The following LIPH variants were observed in gnomAD, a reference collection of about 807,000 sequenced individuals.
LIPH encodes lipase H.
Under a neutral mutation model 47.6 loss-of-function variants are expected in LIPH, and 32 were observed. The ratio of observed to expected loss-of-function variants is 0.67; its 90% CI spans 0.51 to 0.90. The LOEUF is 0.90. Ranked by LOEUF, LIPH falls within the 40% of genes least tolerant of loss-of-function variation. The probability of loss-of-function intolerance (pLI) is 0.00; values close to 1 mark genes in which losing one functional copy is unlikely to be tolerated. For synonymous variants in LIPH, 190 were observed against 195.6 expected, an observed-to-expected ratio of 0.97 and a Z score of 0.24; for missense variants, 497 against 541.4, an observed-to-expected ratio of 0.92 and a Z score of 0.81.
At chr3:185,520,575 C>A (rs1019218062) in intron 5 of LIPH, among the ~76,000 whole-genome samples, 1 of 151,922 alleles carries the variant, frequency 6.6e-6, no homozygotes, top group African/African-American at 2.4e-5. Context: ...CTTCATTCTG[C>A]CTTTTCATAT....
At position 185,519,131 on chromosome 3, in the gene LIPH, G is replaced by A. The variant is rs897380521; in HGVS notation, c.886+11C>T. On this transcript the variant is annotated intron_variant, in intron 6 of 9. Coordinates refer to ENST00000296252, the MANE Select transcript of LIPH (RefSeq NM_139248.3). ...TTGTGAATCAGAGAGGAAACTGCTGGTTAGACTTACCCAGAAGGGGACAGG... is the reference window on the plus strand; with the variant it reads ...TTGTGAATCAGAGAGGAAACTGCTGATTAGACTTACCCAGAAGGGGACAGG... 2 of 1,612,272 alleles carry A rather than the reference G, an allele frequency of 1.2e-6. No individual in the cohort carries two copies. The highest frequency in any genetic ancestry group is 1.7e-6 in the Non-Finnish European group (2 of 1,178,430).
chr3:185,528,346 G>GAAAGAAAGAAAGAAAGAA, intron 3 of LIPH, among the ~76,000 whole-genome samples: 1 of 151,180 alleles, frequency 6.6e-6, no homozygotes, highest in African/African-American at 2.4e-5. Context: ...AAGAAAGAAA[G>GAAAGAAAGAAAGAAAGAA]AAAGAAAGAA....
intron 5 of LIPH, among the ~76,000 whole-genome samples, chr3:185,522,654 G>GAAAGA (rs1560160886): frequency 3.9e-4 from 12 of 30,670 alleles, no homozygotes; most frequent in African/African-American, 1.7e-3. Context: ...GAAAGAAAAA[G>GAAAGA]AAAGAAAGAA....
intron 3 of LIPH, among the ~76,000 whole-genome samples, chr3:185,533,068 T>A (rs1315723433): frequency 1.3e-5 from 2 of 151,660 alleles, no homozygotes; most frequent in Non-Finnish European, 2.9e-5. Context: ...AGCAAAGGAG[T>A]CTTTGTTTGG....
chr3:185,528,323 G>GAAGAAAGGAAGAAAGAAAGAAAGA (rs1720183771), intron 3 of LIPH, among the ~76,000 whole-genome samples: 4 of 125,514 alleles, frequency 3.2e-5, no homozygotes, highest in Admixed American at 1.8e-4. Flanking sequence ...AAGAAAGAAA[G>GAAGAAAGGAAGAAAGAAAGAAAGA]AAGAAAGAAA....
chr3:185,530,625 G>C (rs571129335), intron 3 of LIPH, among the ~76,000 whole-genome samples: 6 of 152,066 alleles, frequency 3.9e-5, no homozygotes, highest in Non-Finnish European at 8.8e-5. Flanking sequence ...AGCCAAGATC[G>C]TGACACTGTA....
At chr3:185,522,650 A>AAGAAAAAAG (rs1235808164) in intron 5 of LIPH, among the ~76,000 whole-genome samples, 1 of 141,896 alleles carries the variant, frequency 7.0e-6, no homozygotes, top group African/African-American at 2.6e-5. Flanking sequence ...GAGAGAAAGA[A>AAGAAAAAAG]AAAGAAAGAA....
In LIPH at chr3:185,546,442, C is replaced by G. The variant is rs184778238; in HGVS notation, c.49+5981G>C. Among the ~76,000 whole-genome samples, 579 of 151,998 alleles carry G rather than the reference C, an allele frequency of 3.8e-3. 4 individuals are homozygous for G. The highest frequency in any genetic ancestry group is 0.01 in the Middle Eastern group (3 of 290). ...ACTTGGGAGGCTGAGGCAGGAAAAC[C>G]ACTTGAGTCCAGGGTTCAAAGCCTG... is the stretch of plus-strand genomic sequence containing the variant. On this transcript the variant is annotated intron_variant, in intron 1 of 9. Coordinates refer to ENST00000296252, the MANE Select transcript of LIPH (RefSeq NM_139248.3).
chr3:185,544,319 A>C (rs1720801536), intron 1 of LIPH, among the ~76,000 whole-genome samples: 1 of 147,766 alleles, frequency 6.8e-6, no homozygotes. Context: ...ACCCTGGAGA[A>C]TGGAGAATTT....
intron 1 of LIPH, among the ~76,000 whole-genome samples, chr3:185,544,590 G>A (rs1162732530): frequency 6.6e-6 from 1 of 152,084 alleles, no homozygotes; most frequent in Non-Finnish European, 1.5e-5. Context: ...CCTGACCTCA[G>A]GTGATCCTCC....
intron 5 of LIPH, among the ~76,000 whole-genome samples, chr3:185,523,041 AT>A (rs1719956695): frequency 6.6e-6 from 1 of 152,300 alleles, no homozygotes; most frequent in African/African-American, 2.4e-5. Context: ...TAAGAATTAC[AT>A]TTTTTGTGAG....
rs1371516097 is a variant in LIPH, at chr3:185,535,071, C to T, written c.111G>A (p.Thr37=). ...RLSFHSAVVG[T]GLNVRLMLYT... is the part of the protein sequence containing the mutation. The stretch of plus-strand genomic sequence containing the variant: ...AGAGCATCAGCCTCACATTTAGTCC[C>T]GTACCAACCACTGCACTGTGAAAGC... Residue 37 remains threonine (T), a synonymous_variant, in exon 2 of 10, where the codon ACG becomes ACA. Coordinates refer to ENST00000296252, the MANE Select transcript of LIPH (RefSeq NM_139248.3). 4 of 1,613,860 alleles carry T rather than the reference C, an allele frequency of 2.5e-6. No homozygotes were observed. Among genetic ancestry groups the T allele is most frequent in the African/African-American group, 2.7e-5 (2 of 74,854 alleles).
intron 7 of LIPH, among the ~76,000 whole-genome samples, chr3:185,515,528 T>TA (rs779314494): frequency 2.0e-5 from 3 of 148,800 alleles, no homozygotes; most frequent in African/African-American, 7.4e-5. Context: ...TTTTTTTTTT[T>TA]AAAAGAATCT....
chr3:185,543,076 G>T (rs992892997), intron 1 of LIPH, among the ~76,000 whole-genome samples: 9 of 152,070 alleles, frequency 5.9e-5, no homozygotes, highest in Non-Finnish European at 1.3e-4. Flanking sequence ...AGGCATGGTT[G>T]TACAAGCCTG....
intron 1 of LIPH, among the ~76,000 whole-genome samples, chr3:185,537,807 T>C (rs1161890807): frequency 1.3e-5 from 2 of 152,146 alleles, no homozygotes; most frequent in African/African-American, 4.8e-5. Context: ...TTTAATTGTC[T>C]GGTTTTGTGT....
chr3:185,512,066 T>C (rs560171887), intron 8 of LIPH, among the ~76,000 whole-genome samples: 3 of 152,118 alleles, frequency 2.0e-5, no homozygotes, highest in Non-Finnish European at 4.4e-5. Flanking sequence ...GGCATTATTC[T>C]CCTCATTTAA....
chr3:185,528,316 A>AAAG lies in LIPH; in HGVS notation c.527-734_527-732dup, dbSNP rs1386460368. Reference sequence around the variant, plus strand: ...ATCCCACTTTAGATGAGGAAGAAAGAAAGAAAGAAGAAAGAAAGAAAGAAA... The same window carrying AAAG: ...ATCCCACTTTAGATGAGGAAGAAAGAAAGAAGAAAGAAGAAAGAAAGAAAGAAA... On this transcript the variant is annotated intron_variant, in intron 3 of 9. Coordinates refer to ENST00000296252, the MANE Select transcript of LIPH (RefSeq NM_139248.3). Among the ~76,000 whole-genome samples, 91 of 105,502 alleles carry AAAG rather than the reference A, an allele frequency of 8.6e-4. 1 individual carries two copies. Among genetic ancestry groups the AAAG allele is most frequent in the African/African-American group, 2.4e-3 (63 of 26,744 alleles). 69.2% of individuals were successfully genotyped at this position (105,502 alleles called of 152,430 possible).
chr3:185,519,850 A>G (rs1299679487), intron 5 of LIPH, among the ~76,000 whole-genome samples: 4 of 147,464 alleles, frequency 2.7e-5, no homozygotes, highest in African/African-American at 1.0e-4. Flanking sequence ...AAAAAAAAAA[A>G]AAAAAAAAAA....
Position 185,532,436 on chromosome 3 carries a change from G to GC in LIPH, c.526+1134_526+1135insG, listed in dbSNP as rs951157956. ...CTGAGTGGAGGACTGCTTGTGCCTGGGGGGGCGTTGAGGCTGCAGTGAGCT... is the reference window on the plus strand; with the variant it reads ...CTGAGTGGAGGACTGCTTGTGCCTGGCGGGGGCGTTGAGGCTGCAGTGAGCT... On this transcript the variant is annotated intron_variant, in intron 3 of 9. Transcript: ENST00000296252. 1.9e-3 allele frequency among the ~76,000 whole-genome samples: 294 copies of GC among 152,102 alleles called. 2 individuals are homozygous for GC. Among genetic ancestry groups the GC allele is most frequent in the African/African-American group, 6.6e-3 (273 of 41,476 alleles).
Sources: gnomAD v4.1 joint callset for allele counts (sites outside exome capture counted in the v4.1 genomes callset) on GRCh38, gnomAD v4.1.1 for gene constraint, MANE v1.5 for transcripts, NCBI Gene and HGNC (gene_info 2026-07-23, HGNC 2026-07-21) for gene names.